Variants in ZDBF2 observed in about 807,000 individuals in gnomAD.
ZDBF2 encodes zinc finger DBF-type containing 2, also known as DBF4-type zinc finger-containing protein 2.
ZDBF2 carries 6 observed loss-of-function variants against 9.4 expected under a neutral mutation model. That is an observed-to-expected ratio of 0.64 (90% confidence interval 0.35 to 1.27). The LOEUF is 1.27. Ranked by LOEUF, ZDBF2 falls within the 50% of genes most tolerant of loss-of-function variation. The pLI, the probability that ZDBF2 is intolerant of heterozygous loss-of-function variation, is 0.03. For missense variants in ZDBF2, 2,697 were observed against 2,766.8 expected (o/e 0.97, Z 0.57); for synonymous variants, 905 against 946.3 (o/e 0.96, Z 0.80).
At chr2:206,275,336 C>G (rs952098790) in intron 1 of ZDBF2, among the ~76,000 whole-genome samples, 2 of 152,116 alleles carry the variant, frequency 1.3e-5, no homozygotes, top group Non-Finnish European at 2.9e-5. Flanking sequence ...CCTGTGGGGC[C>G]GAGATCCCGA....
rs768713455 is a variant in ZDBF2 at position 206,311,406 on chromosome 2, G to A, written c.6878G>A (p.Arg2293Gln). The change falls in exon 5 of 5, where the codon CGA becomes CAA. Residue 2293 changes from arginine (R) to glutamine (Q), a missense_variant. This residue lies in a region of ZDBF2 where 1,783 missense variants were observed against 1,776.5 expected (regional missense o/e 1.00). Coordinates refer to ENST00000374423, the MANE Select transcript of ZDBF2 (RefSeq NM_020923.3). ...SSAMANPPPKRPVRASCRVAR... is the reference protein window; with the variant it reads ...SSAMANPPPKQPVRASCRVAR... ...GCTATGGCAAATCCTCCTCCAAAGCGACCTGTGCGGGCTTCTTGCCGCGTT... is the reference window on the plus strand; with the variant it reads ...GCTATGGCAAATCCTCCTCCAAAGCAACCTGTGCGGGCTTCTTGCCGCGTT... The A allele has an allele frequency of 8.1e-6, 13 of 1,608,334 alleles. No homozygotes were observed. The highest frequency in any genetic ancestry group is 6.7e-5 in the East Asian group (3 of 44,820).
intron 4 of ZDBF2, among the ~76,000 whole-genome samples, chr2:206,300,771 AAGG>A (rs1474365169): frequency 3.9e-5 from 6 of 152,130 alleles, no homozygotes; most frequent in Non-Finnish European, 8.8e-5. Context: ...TTCTACCATA[AAGG>A]AGATCTTCAC....
intron 4 of ZDBF2, among the ~76,000 whole-genome samples, chr2:206,300,117 A>G (rs1255903618): frequency 2.6e-5 from 4 of 152,196 alleles, no homozygotes; most frequent in African/African-American, 9.7e-5. Flanking sequence ...CTCAAAACAA[A>G]CAAACAAACA....
In ZDBF2 at chr2:206,305,781, C is replaced by A; in HGVS notation, c.1253C>A (p.Thr418Asn). ...TGCAGTTCCTCTTTTCATTCACTGACTGACCAATCTAAAGTGAGTGCCAAA... is the reference window on the plus strand; with the variant it reads ...TGCAGTTCCTCTTTTCATTCACTGAATGACCAATCTAAAGTGAGTGCCAAA... ...FDCSSSFHSL[T>N]DQSKVSAKEV... is the part of the protein sequence containing the mutation. Residue 418 changes from threonine (T) to asparagine (N), a missense_variant, in exon 5 of 5, where the codon ACT becomes AAT. Transcript: ENST00000374423. 1 of 1,613,630 alleles carries A rather than the reference C, an allele frequency of 6.2e-7. No individual in the cohort carries two copies. The highest frequency in any genetic ancestry group is 2.2e-5 in the East Asian group (1 of 44,878).
rs373963055 is a variant in ZDBF2, at chr2:206,310,283, C to T, written c.5755C>T (p.Arg1919Cys). The change falls in exon 5 of 5, where the codon CGT becomes TGT. Residue 1919 changes from arginine to cysteine, a missense_variant. Transcript: ENST00000374423. ...LSVALDKPCHRHPPAERPPKQ... is the reference protein window; with the variant it reads ...LSVALDKPCHCHPPAERPPKQ... ...AGTGGCCTTAGATAAACCATGCCAT[C>T]GTCATCCTCCAGCAGAGAGGCCTCC... 56 of 1,613,908 alleles carry T rather than the reference C, an allele frequency of 3.5e-5. No individual in the cohort carries two copies. In the African/African-American group the frequency reaches 4.9e-4, roughly 14 times the overall value.
At chr2:206,290,617 G>T (rs1324133148) in intron 3 of ZDBF2, among the ~76,000 whole-genome samples, 4 of 152,260 alleles carry the variant, frequency 2.6e-5, no homozygotes, top group African/African-American at 7.2e-5. Flanking sequence ...TATTGTAAAT[G>T]GAATTGTTTT....
At position 206,309,596 on chromosome 2, in the gene ZDBF2, C is replaced by T. The variant is rs763893380; in HGVS notation, c.5068C>T (p.Arg1690Trp). ...GAAAGCTCACAAAGAAGCCAGTCTT[C>T]GGAAGGATCCAAGAAATGCTGGCCT... is the stretch of plus-strand genomic sequence containing the variant. ...LQKAHKEASL[R>W]KDPRNAGLKG... Residue 1690 changes from arginine to tryptophan, a missense_variant, in exon 5 of 5, where the codon CGG (arginine) becomes TGG (tryptophan). Coordinates refer to ENST00000374423, the MANE Select transcript of ZDBF2 (RefSeq NM_020923.3). 23 of 1,613,700 alleles carry T rather than the reference C, an allele frequency of 1.4e-5. No individual in the cohort carries two copies. The highest frequency in any genetic ancestry group is 6.7e-5 in the East Asian group (3 of 44,894).
chr2:206,284,490 T>C (rs980282409), intron 3 of ZDBF2, among the ~76,000 whole-genome samples: 2 of 152,194 alleles, frequency 1.3e-5, no homozygotes. Context: ...CAATCAATTA[T>C]TATTAACTAT....
Position 206,307,534 on chromosome 2 carries a change from A to C in ZDBF2, c.3006A>C (p.Leu1002Phe). ...STEFSGSKTS[L>F]DSGVPHYSVT... ...AATTCAGTGGTTCAAAAACAAGTTTAGATTCTGGTGTCCCTCATTATTCAG... is the reference window on the plus strand; with the variant it reads ...AATTCAGTGGTTCAAAAACAAGTTTCGATTCTGGTGTCCCTCATTATTCAG... Residue 1002 changes from leucine to phenylalanine, a missense_variant, in exon 5 of 5, where the codon TTA becomes TTC. By Grantham distance (22) the Leu-to-Phe change is conservative (BLOSUM62 0). Coordinates refer to ENST00000374423, the MANE Select transcript of ZDBF2 (RefSeq NM_020923.3). 6.2e-7 allele frequency: 1 copy of C among 1,613,854 alleles called. No individual in the cohort carries two copies. Among genetic ancestry groups the C allele is most frequent in the East Asian group, 2.2e-5 (1 of 44,876 alleles).
Position 206,311,523 on chromosome 2 carries a change from C to A in ZDBF2, c.6995C>A (p.Ser2332Tyr). Residue 2332 changes from serine to tyrosine, a missense_variant, in exon 5 of 5, where the codon TCT (serine) becomes TAT (tyrosine). Ser to Tyr is a moderately radical substitution (Grantham distance 144, BLOSUM62 -2). Transcript: ENST00000374423. ...PVRAYDLRSS[S>Y]CLQQRERMMT... ...AGAGCATATGATCTGAGAAGCTCAT[C>A]TTGTTTACAACAACGTGAGAGAATG... The A allele has an allele frequency of 6.4e-7, 1 of 1,570,500 alleles. No homozygotes were observed. Among genetic ancestry groups the A allele is most frequent in the South Asian group, 1.2e-5 (1 of 83,488 alleles).
rs761084681 is a variant in ZDBF2, at chr2:206,307,150, G to A, written c.2622G>A (p.Ser874=). The change falls in exon 5 of 5, where the codon TCG becomes TCA. Residue 874 remains serine, a synonymous_variant. Transcript: ENST00000374423. ...AACCCAGTGGTTCTGAAATAAGTTC[G>A]GATTCCCATGCCCCTCTTCATTCAG... ...NDEPSGSEIS[S]DSHAPLHSVT... The A allele has an allele frequency of 2.9e-5, 46 of 1,612,812 alleles. No homozygotes were observed. Among genetic ancestry groups the A allele is most frequent in the Non-Finnish European group, 3.6e-5 (43 of 1,179,594 alleles).
rs115043087 is a variant in ZDBF2 at position 206,299,589 on chromosome 2, T to C, written c.188+2216T>C. On this transcript the variant is annotated intron_variant, in intron 4 of 4. Transcript: ENST00000374423. ...CGGGAGGCTGAGGCAGAAGAATTCC[T>C]TGAACTGCACTCCAGCCTGGGTGAC... Among the ~76,000 whole-genome samples the C allele has an allele frequency of 4.0e-3, 609 of 152,194 alleles. 3 individuals carry two copies. The highest frequency in any genetic ancestry group is 0.02 in the South Asian group (95 of 4,820).
intron 3 of ZDBF2, among the ~76,000 whole-genome samples, chr2:206,286,589 G>T (rs1411657826): frequency 6.6e-6 from 1 of 151,812 alleles, no homozygotes; most frequent in Non-Finnish European, 1.5e-5. Context: ...AAGAGATGGA[G>T]TCTTACCATG....
chr2:206,280,916 T>C (rs1355411184), intron 2 of ZDBF2, among the ~76,000 whole-genome samples: 3 of 152,242 alleles, frequency 2.0e-5, no homozygotes, highest in Non-Finnish European at 4.4e-5. Flanking sequence ...TTATTTGTAA[T>C]TCTGTTTTCG....
intron 3 of ZDBF2, among the ~76,000 whole-genome samples, chr2:206,290,227 C>T (rs1691817484): frequency 6.6e-6 from 1 of 152,162 alleles, no homozygotes; most frequent in Non-Finnish European, 1.5e-5. Context: ...TCTCTGATGC[C>T]AGCACCACAT....
chr2:206,275,298 G>A (rs1391740067), intron 1 of ZDBF2, among the ~76,000 whole-genome samples: 1 of 152,050 alleles, frequency 6.6e-6, no homozygotes, highest in Non-Finnish European at 1.5e-5. Flanking sequence ...TTGAGGGCCG[G>A]GAACCCGCGG....
chr2:206,281,754 A>G, intron 2 of ZDBF2, 47 bp from the exon 3 acceptor site: 1 of 1,168,474 alleles, frequency 8.6e-7, no homozygotes, highest in Non-Finnish European at 1.2e-6. Context: ...TTTTCCTCAT[A>G]AGAGTAAGGA....
chr2:206,286,910 C>CT (rs1691632395), intron 3 of ZDBF2, among the ~76,000 whole-genome samples: 1 of 152,028 alleles, frequency 6.6e-6, no homozygotes, highest in Non-Finnish European at 1.5e-5. Flanking sequence ...TTCTTTCTGT[C>CT]TTATCGTTGC....
intron 3 of ZDBF2, among the ~76,000 whole-genome samples, chr2:206,284,513 G>C (rs576430225): frequency 1.3e-5 from 2 of 152,118 alleles, no homozygotes; most frequent in Admixed American, 6.5e-5. Flanking sequence ...TCATCCTACA[G>C]TGTTGTATAG....
Sources: gnomAD v4.1 joint callset for allele counts (sites outside exome capture counted in the v4.1 genomes callset) on GRCh38, gnomAD v4.1.1 for gene constraint, gnomAD v4.1.1 regional missense constraint, MANE v1.5 for transcripts, NCBI Gene and HGNC (gene_info 2026-07-23, HGNC 2026-07-21) for gene names.